The following DYNC2H1 variants were observed in gnomAD, a reference collection of about 807,000 sequenced individuals.
The protein encoded by DYNC2H1 is cytoplasmic dynein 2 heavy chain 1.
In DYNC2H1, 410 loss-of-function variants were observed where a neutral mutation model predicts 570.0. That is an observed-to-expected ratio of 0.72 (90% CI 0.66 to 0.78). The LOEUF (loss-of-function observed/expected upper bound fraction) is 0.78, where lower values mean the gene tolerates loss of function less well. Ranked by LOEUF, DYNC2H1 falls within the 30% of genes least tolerant of loss-of-function variation. DYNC2H1 has a pLI of 0.00. For synonymous variants in DYNC2H1, 1,688 were observed against 1,677.6 expected, an observed-to-expected ratio of 1.01 and a Z score of -0.15; for missense variants, 4,865 against 5,046.4, an observed-to-expected ratio of 0.96 and a Z score of 1.09.
At position 103,128,985 on chromosome 11, in the gene DYNC2H1, G is replaced by A; in HGVS notation, c.1933G>A (p.Ala645Thr). 1 of 1,603,352 alleles carries A rather than the reference G, an allele frequency of 6.2e-7. No homozygotes were observed. The highest frequency in any genetic ancestry group is 8.5e-7 in the Non-Finnish European group (1 of 1,175,784). Residue 645 changes from alanine (A) to threonine (T), a missense_variant, in exon 13 of 89, where the codon GCA (alanine) becomes ACA (threonine). By Grantham distance (58) the Ala-to-Thr change is moderately conservative (BLOSUM62 0). Transcript: ENST00000375735. ...GCCAATGATGTTACAATCTGCCTTA[G>A]CATTTGAACAGATAATTAAGGTAAA... ...QRPMMLQSAL[A>T]FEQIIKNSKA...
chr11:103,162,912 C>A, intron 29 of DYNC2H1, 116 bp from the exon 30 acceptor site: 1 of 830,414 alleles, frequency 1.2e-6, no homozygotes, highest in Non-Finnish European at 1.7e-6. Flanking sequence ...TATAATACCC[C>A]GTCTTGAAAT....
chr11:103,402,666 G>T (rs1304935516), intron 84 of DYNC2H1: 1 of 152,072 alleles, frequency 6.6e-6, no homozygotes, highest in Non-Finnish European at 1.5e-5. Flanking sequence ...ATTTGAGAAT[G>T]GTTAGTAGGA....
chr11:103,115,308 T>G lies in DYNC2H1; in HGVS notation c.621+13T>G. ...AACAATTGCAAGAGTATGTGATTCA[T>G]AAATGGTGATATATTGGGCTTCTTA... On this transcript the variant is annotated intron_variant, in intron 4 of 88. Transcript: ENST00000375735. 6.6e-7 allele frequency: 1 copy of G among 1,525,930 alleles called. No homozygotes were observed. Among genetic ancestry groups the G allele is most frequent in the East Asian group, 2.4e-5 (1 of 41,924 alleles). The allele number at this position is 1,525,930 out of a possible 1,614,324, so 94.5% of individuals were successfully genotyped here.
chr11:103,121,771 T>C (rs941120853), intron 10 of DYNC2H1, among the ~76,000 whole-genome samples: 2 of 151,586 alleles, frequency 1.3e-5, no homozygotes, highest in African/African-American at 2.4e-5. Context: ...TTATGCTGAG[T>C]AAAAAAAAGA....
intron 77 of DYNC2H1, 79 bp from the exon 78 acceptor site, chr11:103,307,640 AAT>A (rs1347724440): frequency 4.6e-6 from 3 of 652,178 alleles, no homozygotes; most frequent in Non-Finnish European, 7.5e-6. Context: ...TTTAATTAAA[AAT>A]AGTTACTAAT....
chr11:103,306,113 T>C (rs1167317127), intron 77 of DYNC2H1, among the ~76,000 whole-genome samples: 1 of 104,298 alleles, frequency 9.6e-6, no homozygotes, highest in Admixed American at 1.2e-4. Context: ...GGTTTTGCCA[T>C]TGTTGGCCAG....
intron 2 of DYNC2H1, 116 bp downstream of exon 2, chr11:103,113,823 ATATCT>A (rs1858236133): frequency 3.1e-5 from 29 of 934,170 alleles, no homozygotes; most frequent in Non-Finnish European, 4.0e-5. Context: ...TTTAATTAAA[ATATCT>A]TTTCTTAACT....
rs2134753938 is a variant in DYNC2H1, at chr11:103,129,979, G to GC, written c.1953+975dup. ...CATAGCAGTATTTATTACGGTGAATGCATACAAAGCAAAATCAGCAAAGGG... is the reference window on the plus strand; with the variant it reads ...CATAGCAGTATTTATTACGGTGAATGCCATACAAAGCAAAATCAGCAAAGGG... On this transcript the variant is annotated intron_variant, in intron 13 of 88. Transcript: ENST00000375735. This position sits in a 1 kb window ranked among gnomAD's most constrained non-coding sequence, Gnocchi z 4.1. 6.6e-6 allele frequency among the ~76,000 whole-genome samples: 1 copy of GC among 152,272 alleles called. No homozygotes were observed. The highest frequency in any genetic ancestry group is 6.5e-5 in the Admixed American group (1 of 15,296).
intron 28 of DYNC2H1, among the ~76,000 whole-genome samples, chr11:103,159,639 T>G (rs2134912099): frequency 6.6e-6 from 1 of 152,234 alleles, no homozygotes; most frequent in Non-Finnish European, 1.5e-5. Flanking sequence ...ATGGAATAGG[T>G]TTATTACCAA....
At chr11:103,282,016 A>T in intron 71 of DYNC2H1, 163 bp from the exon 72 acceptor site, 1 of 549,734 alleles carries the variant, frequency 1.8e-6, no homozygotes, top group Non-Finnish European at 3.1e-6. Flanking sequence ...TTGTCACATT[A>T]ATTCATTCTT....
At chr11:103,142,919 T>C (rs900263339) in intron 17 of DYNC2H1, among the ~76,000 whole-genome samples, 4 of 152,216 alleles carry the variant, frequency 2.6e-5, no homozygotes, top group African/African-American at 9.6e-5. Flanking sequence ...GTGTCTTAGA[T>C]TTCTAGGATG....
chr11:103,172,332 C>G (rs1272491380), intron 34 of DYNC2H1, among the ~76,000 whole-genome samples: 1 of 152,058 alleles, frequency 6.6e-6, no homozygotes, highest in African/African-American at 2.4e-5. Flanking sequence ...ACCTTATTAT[C>G]CCTTGTGCTA....
In DYNC2H1 at chr11:103,231,274, CTG is replaced by C; in HGVS notation, c.9369_9370del (p.Glu3124ArgfsTer11). Reference sequence around the variant, plus strand: ...TTATATTTTAGGAATCTGAAGAAAACTGAAGACAGAAAAAGGAAACTAGAGGA... The same window carrying C: ...TTATATTTTAGGAATCTGAAGAAAACAAGACAGAAAAAGGAAACTAGAGGA... On this transcript the variant is annotated frameshift_variant, in exon 60 of 89. Coordinates refer to ENST00000375735, the MANE Select transcript of DYNC2H1 (RefSeq NM_001377.3). LOFTEE classifies it high-confidence loss of function. 1 of 1,602,528 alleles carries C rather than the reference CTG, an allele frequency of 6.2e-7. No individual in the cohort carries two copies. The highest frequency in any genetic ancestry group is 8.5e-7 in the Non-Finnish European group (1 of 1,174,426).
intron 70 of DYNC2H1, among the ~76,000 whole-genome samples, chr11:103,260,410 G>A (rs1293239522): frequency 6.6e-6 from 1 of 152,144 alleles, no homozygotes; most frequent in Non-Finnish European, 1.5e-5. Flanking sequence ...AATAAAAAAT[G>A]TCTGTGGACA....
At chr11:103,235,128 G>C (rs1040052311) in intron 61 of DYNC2H1, among the ~76,000 whole-genome samples, 2 of 151,660 alleles carry the variant, frequency 1.3e-5, no homozygotes, top group African/African-American at 4.8e-5. Flanking sequence ...ATTACTCATT[G>C]CTTGCTTAAA....
chr11:103,438,060 T>C (rs1410236109), intron 85 of DYNC2H1, among the ~76,000 whole-genome samples: 1 of 152,142 alleles, frequency 6.6e-6, no homozygotes, highest in Non-Finnish European at 1.5e-5. Context: ...TTAACCTTAA[T>C]TGTAGTGATA....
intron 52 of DYNC2H1, among the ~76,000 whole-genome samples, chr11:103,207,327 A>G (rs1316619836): frequency 6.6e-6 from 1 of 151,304 alleles, no homozygotes; most frequent in Non-Finnish European, 1.5e-5. Flanking sequence ...GATGCAAAAC[A>G]GGGAAAAATT....
intron 79 of DYNC2H1, among the ~76,000 whole-genome samples, chr11:103,314,403 A>C (rs1317571647): frequency 6.6e-6 from 1 of 152,122 alleles, no homozygotes; most frequent in African/African-American, 2.4e-5. Context: ...TTTGTATTAC[A>C]TAATATTGCT....
chr11:103,427,002 T>C (rs193253226), intron 84 of DYNC2H1, among the ~76,000 whole-genome samples: 4 of 152,314 alleles, frequency 2.6e-5, no homozygotes, highest in South Asian at 2.1e-4. Flanking sequence ...GTGTGCTAAA[T>C]TGTGGAAATC....
Sources: gnomAD v4.1 joint callset for allele counts (sites outside exome capture counted in the v4.1 genomes callset) on GRCh38, gnomAD v4.1.1 for gene constraint, Gnocchi (gnomAD v3.1) non-coding constraint, MANE v1.5 for transcripts, NCBI Gene and HGNC (gene_info 2026-07-23, HGNC 2026-07-21) for gene names.